Variants in NCOA5 observed in about 807,000 individuals in gnomAD.
NCOA5 encodes NCoA-5.
In NCOA5, 12 loss-of-function variants were observed where a neutral mutation model predicts 59.0. The observed-to-expected ratio is 0.20, with a 90% CI of 0.13 to 0.33. The LOEUF is 0.33. NCOA5 is among the 10% of genes least tolerant of loss of function. The pLI, the probability that NCOA5 is intolerant of heterozygous loss-of-function variation, is 1.00. For missense variants in NCOA5, 655 were observed against 766.6 expected, an observed-to-expected ratio of 0.85 and a Z score of 1.72; for synonymous variants, 270 against 275.5, an observed-to-expected ratio of 0.98 and a Z score of 0.20.
At chr20:46,087,705 G>A (rs2085058797) in intron 1 of NCOA5, among the ~76,000 whole-genome samples, 1 of 152,202 alleles carries the variant, frequency 6.6e-6, no homozygotes, top group South Asian at 2.1e-4. Flanking sequence ...TCGCACCACT[G>A]CACTCCAGCC....
intron 2 of NCOA5, among the ~76,000 whole-genome samples, chr20:46,072,582 C>T (rs2084893484): frequency 6.6e-6 from 1 of 152,154 alleles, no homozygotes; most frequent in Admixed American, 6.5e-5. Flanking sequence ...CTTCTCTAAC[C>T]CTGTCACACC....
intron 3 of NCOA5, among the ~76,000 whole-genome samples, chr20:46,068,868 T>C (rs2084851953): frequency 6.6e-6 from 1 of 152,248 alleles, no homozygotes; most frequent in Non-Finnish European, 1.5e-5. Context: ...GAATTATTGA[T>C]ACTAGTTTTG....
chr20:46,089,825 G>C lies in NCOA5; in HGVS notation c.-38C>G, dbSNP rs1441779204. On this transcript the variant is annotated 5_prime_UTR_variant, in exon 1 of 8. Coordinates refer to ENST00000290231, the MANE Select transcript of NCOA5 (RefSeq NM_020967.3). ...CGCTTCCCGGCACTCACCGCTACCA[G>C]CGCGGCGGGCTCCCGGCCGCTCCTT... 6.6e-6 allele frequency: 1 copy of C among 152,158 alleles called. No homozygotes were observed. Among genetic ancestry groups the C allele is most frequent in the Non-Finnish European group, 1.5e-5 (1 of 68,046 alleles). The allele number at this position is 152,158 out of a possible 1,614,324, so 9.4% of individuals were successfully genotyped here. A position where few individuals can be genotyped will look rare whatever the true frequency, so the allele number is the denominator to read the frequency against.
chr20:46,086,836 T>C (rs1322465364), intron 1 of NCOA5, among the ~76,000 whole-genome samples: 1 of 152,172 alleles, frequency 6.6e-6, no homozygotes, highest in African/African-American at 2.4e-5. Context: ...CATGAGAGGA[T>C]AGCAGGAGAA....
rs1296277907 is a variant in NCOA5, at chr20:46,083,408, TTC to T, written c.-29-3957_-29-3956del. Among the ~76,000 whole-genome samples the T allele has an allele frequency of 3.9e-5, 6 of 152,352 alleles. No homozygotes were observed. The South Asian group carries it at 1.0e-3, about 26-fold the overall frequency. On this transcript the variant is annotated intron_variant, in intron 1 of 7. Transcript: ENST00000290231. ...CTTGTCTCTGCTTTCCTCAGCTCCC[TTC>T]TCTGTTTATAAAGCCAAACGCCTCT...
Position 46,061,870 on chromosome 20 carries a change from G to C in NCOA5, c.*430C>G, listed in dbSNP as rs559432264. ...AACTCTAGGCAGGAGTTGCAGGCAG[G>C]AGCTTGAGCTCTGGTCAATGTGTAT... On this transcript the variant is annotated 3_prime_UTR_variant, in exon 8 of 8. Transcript: ENST00000290231. 2 of 157,286 alleles carry C rather than the reference G, an allele frequency of 1.3e-5. No homozygotes were observed. The highest frequency in any genetic ancestry group is 1.2e-4 in the Admixed American group (2 of 16,334). 9.7% of individuals were successfully genotyped at this position (157,286 alleles called of 1,614,324 possible).
At chr20:46,067,287 C>T (rs2084834810) in intron 4 of NCOA5, 106 bp from the exon 5 acceptor site, 1 of 1,325,724 alleles carries the variant, frequency 7.5e-7, no homozygotes, top group South Asian at 1.6e-5. Context: ...ATCCTCTGGT[C>T]TATCTCCTAA....
chr20:46,069,364 C>T (rs756708187), intron 3 of NCOA5, among the ~76,000 whole-genome samples: 1 of 152,198 alleles, frequency 6.6e-6, no homozygotes, highest in Non-Finnish European at 1.5e-5. Context: ...ATAATGTTTT[C>T]AACGTCCTTC....
chr20:46,066,247 C>T (rs1243356618), intron 5 of NCOA5, among the ~76,000 whole-genome samples: 1 of 152,210 alleles, frequency 6.6e-6, no homozygotes, highest in Non-Finnish European at 1.5e-5. Context: ...TCTGCTCTGC[C>T]TCTTCAAGGA....
At chr20:46,088,749 GA>G (rs1437819432) in intron 1 of NCOA5, among the ~76,000 whole-genome samples, 3 of 152,226 alleles carry the variant, frequency 2.0e-5, no homozygotes, top group Non-Finnish European at 2.9e-5. Context: ...GGCATTCATA[GA>G]ATCTGCTTTG....
intron 6 of NCOA5, among the ~76,000 whole-genome samples, chr20:46,064,279 C>T (rs6094247): frequency 0.06 from 9,178 of 152,182 alleles, 936 homozygotes; most frequent in African/African-American, 0.21. Flanking sequence ...CACTGGAGAT[C>T]CTTATGTAAT....
rs1191787274 is a variant in NCOA5 at position 46,065,201 on chromosome 20, C to G, written c.657G>C (p.Lys219Asn). Residue 219 changes from lysine (K) to asparagine (N), a missense_variant, in exon 6 of 8, where the codon AAG becomes AAC. Lys to Asn is a moderately conservative substitution (Grantham distance 94). Coordinates refer to ENST00000290231, the MANE Select transcript of NCOA5 (RefSeq NM_020967.3). ...CCACTACCATGCCCAGGTCTCGCAC[C>G]TTCCGCCCCACAGACTCAGCATAGT... ...TKDYAESVGR[K>N]VRDLGMVVDL... The G allele has an allele frequency of 6.2e-7, 1 of 1,614,174 alleles. No homozygotes were observed. The highest frequency in any genetic ancestry group is 8.5e-7 in the Non-Finnish European group (1 of 1,180,040).
chr20:46,065,267 C>CA (rs1334734536), intron 5 of NCOA5, 39 bp from the exon 6 acceptor site: 1 of 1,596,664 alleles, frequency 6.3e-7, no homozygotes, highest in South Asian at 1.1e-5. Flanking sequence ...CGACCAACTC[C>CA]AAATCTGCAT....
At chr20:46,080,683 A>C (rs1035033782) in intron 1 of NCOA5, among the ~76,000 whole-genome samples, 4 of 152,282 alleles carry the variant, frequency 2.6e-5, no homozygotes, top group African/African-American at 9.6e-5. Flanking sequence ...AGAAGTCTCT[A>C]ATTTGTCTAG....
intron 1 of NCOA5, 35 bp from the exon 2 acceptor site, chr20:46,079,488 A>T: frequency 6.6e-7 from 1 of 1,520,392 alleles, no homozygotes; most frequent in Non-Finnish European, 9.1e-7. Flanking sequence ...GTTCAATGCT[A>T]CGGAATAAAA....
chr20:46,070,140 T>C, intron 3 of NCOA5, 70 bp downstream of exon 3: 1 of 1,252,352 alleles, frequency 8.0e-7, no homozygotes, highest in Non-Finnish European at 1.1e-6. Flanking sequence ...TTACAGAGCT[T>C]TCAATTAGTT....
In NCOA5 at chr20:46,062,877, C is replaced by T. The variant is rs772380369; in HGVS notation, c.1163G>A (p.Arg388His). ...ACCCGAGGTCGCCCCGAGTGGTTGG[C>T]GGGAAATCGGGCCTGGAAGACAGAA... ...STDSLPGPIS[R>H]QPLGATSGAS... is the part of the protein sequence containing the mutation. The change falls in exon 8 of 8, where the codon CGC becomes CAC. Residue 388 changes from arginine (R) to histidine (H), a missense_variant. By Grantham distance (29) the Arg-to-His change is conservative (BLOSUM62 0). Transcript: ENST00000290231. 40 of 1,514,452 alleles carry T rather than the reference C, an allele frequency of 2.6e-5. No homozygotes were observed. The highest frequency in any genetic ancestry group is 3.7e-4 in the Middle Eastern group (2 of 5,444). 93.8% of individuals were successfully genotyped at this position (1,514,452 alleles called of 1,614,324 possible).
intron 1 of NCOA5, 43 bp from the exon 2 acceptor site, chr20:46,079,496 A>C: frequency 6.9e-7 from 1 of 1,458,808 alleles, no homozygotes; most frequent in Non-Finnish European, 9.6e-7. Flanking sequence ...CTACGGAATA[A>C]AAACAAGATC....
chr20:46,064,888 C>A, intron 6 of NCOA5, 141 bp downstream of exon 6: 1 of 762,746 alleles, frequency 1.3e-6, no homozygotes. Flanking sequence ...ATGCAAGACT[C>A]TTCCATGGTA....
Sources: gnomAD v4.1 joint callset for allele counts (sites outside exome capture counted in the v4.1 genomes callset) on GRCh38, gnomAD v4.1.1 for gene constraint, MANE v1.5 for transcripts, NCBI Gene and HGNC (gene_info 2026-07-23, HGNC 2026-07-21) for gene names.